Variants in RPH3A observed in about 807,000 individuals in gnomAD.
RPH3A encodes the protein rabphilin-3A.
In RPH3A, 48 loss-of-function variants were observed where a neutral mutation model predicts 102.2. The observed-to-expected ratio is 0.47, with a 90% CI of 0.37 to 0.60. The LOEUF (loss-of-function observed/expected upper bound fraction) is 0.60, where lower values mean the gene tolerates loss of function less well. RPH3A is among the 20% of genes least tolerant of loss of function. RPH3A has a pLI of 0.00. For synonymous variants in RPH3A, 310 were observed against 324.3 expected, an observed-to-expected ratio of 0.96 and a Z score of 0.47; for missense variants, 781 against 910.1, an observed-to-expected ratio of 0.86 and a Z score of 1.83.
At chr12:112,887,949 G>T (rs754379994) in intron 17 of RPH3A, 26 bp downstream of exon 17, 3 of 1,610,788 alleles carry the variant, frequency 1.9e-6, no homozygotes, top group South Asian at 2.2e-5. Flanking sequence ...CTGAGGATCT[G>T]ATGGGAGGAG....
intron 1 of RPH3A, among the ~76,000 whole-genome samples, chr12:112,583,553 G>C (rs955572135): frequency 1.3e-5 from 2 of 152,180 alleles, no homozygotes; most frequent in African/African-American, 4.8e-5. Context: ...ACCATCCTTT[G>C]CATTTCCCTA....
chr12:112,688,436 G>A (rs929582077), intron 1 of RPH3A, among the ~76,000 whole-genome samples: 3 of 152,126 alleles, frequency 2.0e-5, no homozygotes, highest in Non-Finnish European at 2.9e-5. Flanking sequence ...AATCATAGCC[G>A]TGAACCTCAA....
At chr12:112,800,793 G>A (rs2041329991) in intron 2 of RPH3A, among the ~76,000 whole-genome samples, 2 of 152,176 alleles carry the variant, frequency 1.3e-5, no homozygotes, top group African/African-American at 4.8e-5. Context: ...TGGTGCAGCA[G>A]TTGTGATCCT....
intron 1 of RPH3A, among the ~76,000 whole-genome samples, chr12:112,618,353 C>T (rs182203656): frequency 1.2e-4 from 19 of 152,322 alleles, no homozygotes; most frequent in Admixed American, 1.0e-3. Context: ...AGCAATTCCA[C>T]AGTGCACCAG....
rs567591642 is a variant in RPH3A at position 112,804,741 on chromosome 12, C to A, written c.-19+12478C>A. On this transcript the variant is annotated intron_variant, in intron 2 of 21. Coordinates refer to ENST00000389385, the MANE Select transcript of RPH3A (RefSeq NM_001143854.2). ...TGCAGAGTGGGGATGCCGCTAATAA[C>A]AGCAGATATCTCCTAGGGTTCTTGT... Among the ~76,000 whole-genome samples the A allele has an allele frequency of 2.3e-4, 35 of 152,338 alleles. No individual in the cohort carries two copies. The South Asian group carries it at 2.7e-3, about 12-fold the overall frequency.
chr12:112,797,717 T>G (rs2041260628), intron 2 of RPH3A, among the ~76,000 whole-genome samples: 1 of 151,488 alleles, frequency 6.6e-6, no homozygotes, highest in Admixed American at 6.6e-5. Context: ...TTTGATAGGA[T>G]CTTGCTCTGT....
At chr12:112,801,089 G>A (rs2136103995) in intron 2 of RPH3A, among the ~76,000 whole-genome samples, 1 of 152,290 alleles carries the variant, frequency 6.6e-6, no homozygotes, top group East Asian at 1.9e-4. Flanking sequence ...TGGCAAGCTG[G>A]GGTGTCTGGC....
chr12:112,790,856 G>T (rs1221281371), upstream of RPH3A, among the ~76,000 whole-genome samples: 1 of 152,170 alleles, frequency 6.6e-6, no homozygotes, highest in Non-Finnish European at 1.5e-5. Context: ...TAGCTGGGCT[G>T]TCAATTCCTT....
At chr12:112,664,071 A>G (rs1303316833) in intron 1 of RPH3A, among the ~76,000 whole-genome samples, 1 of 152,178 alleles carries the variant, frequency 6.6e-6, no homozygotes, top group East Asian at 1.9e-4. Flanking sequence ...GCCAAGGGGA[A>G]TAGTTTTTGA....
chr12:112,815,764 C>T (rs2041660842), intron 2 of RPH3A, among the ~76,000 whole-genome samples: 1 of 152,216 alleles, frequency 6.6e-6, no homozygotes, highest in African/African-American at 2.4e-5. Context: ...TGTCTAATCA[C>T]ATTTTCTGTG....
At chr12:112,693,642 C>T (rs1002136481) in intron 1 of RPH3A, among the ~76,000 whole-genome samples, 3 of 152,040 alleles carry the variant, frequency 2.0e-5, no homozygotes, top group Non-Finnish European at 2.9e-5. Context: ...GCTTTGAATG[C>T]TCTCCCTCTG....
rs567821359 is a variant in RPH3A at position 112,694,725 on chromosome 12, C to A, written c.-139-97418C>A. On this transcript the variant is annotated intron_variant, in intron 1 of 21. Transcript: ENST00000543106. ...AGATTCTGTTTACTTGAAATGGCCT[C>A]TTCTTCCATGAAGCTCTCTTAGATA... 5.9e-5 allele frequency among the ~76,000 whole-genome samples: 9 copies of A among 152,000 alleles called. 1 individual carries two copies. In the South Asian group the frequency reaches 8.3e-4, roughly 14 times the overall value.
At chr12:112,815,102 C>T (rs2041649026) in intron 2 of RPH3A, among the ~76,000 whole-genome samples, 1 of 152,176 alleles carries the variant, frequency 6.6e-6, no homozygotes, top group Non-Finnish European at 1.5e-5. Context: ...TCCTCCCTCC[C>T]TCCAGTCTCC....
intron 1 of RPH3A, among the ~76,000 whole-genome samples, chr12:112,698,934 C>G: frequency 7.0e-6 from 1 of 143,656 alleles, no homozygotes; most frequent in African/African-American, 2.6e-5. Flanking sequence ...CCCTTCTCCT[C>G]CTCCTCCTTC....
intron 2 of RPH3A, among the ~76,000 whole-genome samples, chr12:112,794,132 G>C (rs891621258): frequency 6.6e-6 from 1 of 152,148 alleles, no homozygotes; most frequent in Non-Finnish European, 1.5e-5. Flanking sequence ...GTGCATTGTG[G>C]TGCACCAGGG....
At chr12:112,886,493 A>G (rs577865974) in intron 16 of RPH3A, among the ~76,000 whole-genome samples, 25 of 151,760 alleles carry the variant, frequency 1.6e-4, no homozygotes, top group African/African-American at 5.8e-4. Context: ...TAATGCTGCC[A>G]CTGATCTGAC....
At chr12:112,845,395 A>G (rs750083882) in intron 4 of RPH3A, among the ~76,000 whole-genome samples, 1 of 152,164 alleles carries the variant, frequency 6.6e-6, no homozygotes, top group Non-Finnish European at 1.5e-5. Flanking sequence ...TATATACTTA[A>G]GGGGCCCTCT....
At chr12:112,575,846 C>G (rs985763818) in intron 1 of RPH3A, among the ~76,000 whole-genome samples, 2 of 152,286 alleles carry the variant, frequency 1.3e-5, no homozygotes, top group Admixed American at 6.5e-5. Flanking sequence ...CACTCCCACT[C>G]TAGGTCATAG....
chr12:112,686,811 C>G lies in RPH3A; in HGVS notation c.-139-105332C>G, dbSNP rs750174061. On this transcript the variant is annotated intron_variant, in intron 1 of 21. Coordinates refer to the RPH3A transcript ENST00000543106. ...AATAGATCACTGGTATGCCATGGCT[C>G]TATACATTTTCAGTTTTTTAACTGA... 3.9e-5 allele frequency among the ~76,000 whole-genome samples: 6 copies of G among 152,192 alleles called. No individual in the cohort carries two copies. In the East Asian group the frequency reaches 5.8e-4, roughly 15 times the overall value.
Sources: gnomAD v4.1 joint callset for allele counts (sites outside exome capture counted in the v4.1 genomes callset) on GRCh38, gnomAD v4.1.1 for gene constraint, MANE v1.5 for transcripts, NCBI Gene and HGNC (gene_info 2026-07-23, HGNC 2026-07-21) for gene names.